CTNNA3: variants seen among roughly 807,000 people sequenced by gnomAD.
The protein encoded by CTNNA3 is catenin alpha-3.
Under a neutral mutation model 95.7 loss-of-function variants are expected in CTNNA3, and 76 were observed. The ratio of observed to expected loss-of-function variants is 0.79; its 90% CI spans 0.66 to 0.96. The LOEUF is 0.96. Among genes scored for constraint, CTNNA3 ranks in the 40% least tolerant of loss-of-function variants. The pLI, the probability that CTNNA3 is intolerant of heterozygous loss-of-function variation, is 0.00. For synonymous variants in CTNNA3, 431 were observed against 374.4 expected (o/e 1.15, Z -1.74); for missense variants, 1,191 against 1,089.8 (o/e 1.09, Z -1.31).
In CTNNA3 at chr10:67,629,466, A is replaced by C. The variant is rs187773397; in HGVS notation, c.99+17949T>G. Among the ~76,000 whole-genome samples, 5 of 152,344 alleles carry C rather than the reference A, an allele frequency of 3.3e-5. No individual in the cohort carries two copies. The East Asian group carries it at 9.6e-4, about 29-fold the overall frequency. ...GGCAGATACGCTGGTTTGGGAGCAC[A>C]AGTGAGTCATAATTCAGAGACTTCA... On this transcript the variant is annotated intron_variant, in intron 2 of 17. Coordinates refer to ENST00000433211, the MANE Select transcript of CTNNA3 (RefSeq NM_013266.4).
intron 7 of CTNNA3, among the ~76,000 whole-genome samples, chr10:66,919,131 T>C (rs1846656250): frequency 1.0e-5 from 1 of 98,260 alleles, no homozygotes; most frequent in African/African-American, 3.8e-5. Flanking sequence ...CGAGACTCTG[T>C]CTTAAAAAAA....
intron 5 of CTNNA3, among the ~76,000 whole-genome samples, chr10:67,516,805 C>T (rs1188568282): frequency 2.0e-5 from 3 of 152,172 alleles, no homozygotes; most frequent in Non-Finnish European, 4.4e-5. Context: ...CCCTCTACTT[C>T]TCTGAGTTTG....
intron 5 of CTNNA3, among the ~76,000 whole-genome samples, chr10:67,480,492 G>C (rs546710007): frequency 6.6e-6 from 1 of 152,194 alleles, no homozygotes. Flanking sequence ...GGAAGTTGCC[G>C]GTTTACCAGA....
chr10:66,420,567 G>C (rs2093182765), intron 11 of CTNNA3, among the ~76,000 whole-genome samples: 1 of 151,978 alleles, frequency 6.6e-6, no homozygotes, highest in Non-Finnish European at 1.5e-5. Flanking sequence ...TTGGGAATCT[G>C]AGACGGGCAG....
intron 3 of CTNNA3, among the ~76,000 whole-genome samples, chr10:67,583,254 C>G (rs907181598): frequency 3.9e-5 from 6 of 151,976 alleles, no homozygotes; most frequent in Non-Finnish European, 5.9e-5. Context: ...GGCAGGCCTG[C>G]TGGTGACAAA....
At position 66,658,864 on chromosome 10, in the gene CTNNA3, T is replaced by C. The variant is rs551915475; in HGVS notation, c.1282-37080A>G. Among the ~76,000 whole-genome samples, 426 of 152,178 alleles carry C rather than the reference T, an allele frequency of 2.8e-3. 1 individual carries two copies. Among genetic ancestry groups the C allele is most frequent in the African/African-American group, 0.01 (417 of 41,508 alleles). ...ACCCACGACCACACCTGGCTAAGTT[T>C]TGTAATTTTAGTAGAGACAGGGTTT... On this transcript the variant is annotated intron_variant, in intron 9 of 17. Transcript: ENST00000433211.
At chr10:67,656,314 T>C (rs926702829) in intron 1 of CTNNA3, among the ~76,000 whole-genome samples, 1 of 152,208 alleles carries the variant, frequency 6.6e-6, no homozygotes, top group Non-Finnish European at 1.5e-5. Flanking sequence ...ACTTTACAAA[T>C]ATTTTTGATG....
At chr10:67,548,786 C>T (rs1167353328) in intron 3 of CTNNA3, among the ~76,000 whole-genome samples, 1 of 150,570 alleles carries the variant, frequency 6.6e-6, no homozygotes, top group African/African-American at 2.4e-5. Flanking sequence ...CTTTTGGACT[C>T]CAAAAAAAAA....
chr10:67,635,793 T>C (rs1839292044), intron 2 of CTNNA3, among the ~76,000 whole-genome samples: 1 of 152,036 alleles, frequency 6.6e-6, no homozygotes, highest in Admixed American at 6.6e-5. Flanking sequence ...CTATTCAACA[T>C]AGTATCAAAA....
intron 5 of CTNNA3, among the ~76,000 whole-genome samples, chr10:67,373,521 T>C (rs1206987316): frequency 6.6e-6 from 1 of 152,090 alleles, no homozygotes; most frequent in Non-Finnish European, 1.5e-5. Flanking sequence ...CACACAACAA[T>C]AATGGGAGAC....
chr10:66,658,766 T>G (rs1477968793), intron 9 of CTNNA3, among the ~76,000 whole-genome samples: 1 of 152,170 alleles, frequency 6.6e-6, no homozygotes, highest in Non-Finnish European at 1.5e-5. Flanking sequence ...TGATCTCAGT[T>G]GACTGCAACC....
chr10:67,120,952 A>G (rs1028514336), intron 7 of CTNNA3, among the ~76,000 whole-genome samples: 5 of 152,044 alleles, frequency 3.3e-5, no homozygotes, highest in African/African-American at 1.2e-4. Context: ...CCAGGTTTCA[A>G]ATAGGAACTG....
chr10:67,167,117 A>AGT (rs1861805459), intron 7 of CTNNA3, among the ~76,000 whole-genome samples: 2 of 145,998 alleles, frequency 1.4e-5, no homozygotes, highest in Non-Finnish European at 3.1e-5. Flanking sequence ...AAAAAAAAGA[A>AGT]AAAAAAAAAG....
chr10:66,354,525 A>C (rs1564891223), intron 12 of CTNNA3, among the ~76,000 whole-genome samples: 1 of 152,034 alleles, frequency 6.6e-6, no homozygotes, highest in African/African-American at 2.4e-5. Context: ...AAGGAACCTG[A>C]GTTTGAGGGT....
chr10:66,962,484 A>T (rs373705417), intron 7 of CTNNA3, among the ~76,000 whole-genome samples: 1 of 150,934 alleles, frequency 6.6e-6, no homozygotes, highest in East Asian at 2.0e-4. Context: ...ATCTCTGCTC[A>T]CTGCAATCTC....
intron 11 of CTNNA3, among the ~76,000 whole-genome samples, chr10:66,435,074 G>A (rs983585707): frequency 5.9e-5 from 9 of 152,080 alleles, no homozygotes; most frequent in South Asian, 4.1e-4. Context: ...TTTTCACATC[G>A]ATGTTCATCA....
At chr10:67,673,121 A>G (rs901667669) in intron 1 of CTNNA3, among the ~76,000 whole-genome samples, 10 of 152,016 alleles carry the variant, frequency 6.6e-5, no homozygotes, top group Admixed American at 1.3e-4. Flanking sequence ...TCTTTGAAGC[A>G]ATTGTGAATG....
chr10:65,934,246 G>A (rs555560975), intron 17 of CTNNA3, among the ~76,000 whole-genome samples: 20 of 152,266 alleles, frequency 1.3e-4, no homozygotes, highest in African/African-American at 4.8e-4. Flanking sequence ...AAATAGTTCA[G>A]ATGAAGACAA....
chr10:66,985,797 A>C (rs1165326186), intron 7 of CTNNA3, among the ~76,000 whole-genome samples: 1 of 152,120 alleles, frequency 6.6e-6, no homozygotes, highest in Non-Finnish European at 1.5e-5. Context: ...CCATGATCTC[A>C]GGTCACTGCA....
Sources: allele counts gnomAD v4.1 joint callset (sites outside exome capture counted in the v4.1 genomes callset), GRCh38; gene constraint gnomAD v4.1.1; transcripts MANE v1.5; gene names NCBI Gene and HGNC (gene_info 2026-07-23, HGNC 2026-07-21).